TPI1: variants seen among roughly 807,000 people sequenced by gnomAD.
The protein encoded by TPI1 is triosephosphate isomerase.
Under a neutral mutation model 31.0 loss-of-function variants are expected in TPI1, and 11 were observed. The ratio of observed to expected loss-of-function variants is 0.36; its 90% CI spans 0.22 to 0.59. The LOEUF is 0.59. Ranked by LOEUF, TPI1 falls within the 20% of genes least tolerant of loss-of-function variation. TPI1 has a pLI of 0.79. For missense variants in TPI1, 245 were observed against 319.7 expected, an observed-to-expected ratio of 0.77 and a Z score of 1.78; for synonymous variants, 121 against 122.8, an observed-to-expected ratio of 0.99 and a Z score of 0.10.
In TPI1 at chr12:6,869,200, GAAGAT is replaced by G; in HGVS notation, c.324+21_324+25del. 1 of 1,614,196 alleles carries G rather than the reference GAAGAT, an allele frequency of 6.2e-7. No individual in the cohort carries two copies. ...TCAGATGAGGTTAGTAGCCAAGAGA[GAAGAT>G]AAGGGATGTCTTTTTCCAAGAAGGA... On this transcript the variant is annotated intron_variant, in intron 3 of 6. Coordinates refer to ENST00000396705, the MANE Select transcript of TPI1 (RefSeq NM_000365.6).
intron 4 of TPI1, 113 bp from the exon 5 acceptor site, chr12:6,869,575 T>C: frequency 6.9e-7 from 1 of 1,459,228 alleles, no homozygotes; most frequent in Non-Finnish European, 9.6e-7. Context: ...CACCTGGAAA[T>C]CCCCCAATGT....
chr12:6,870,030 G>A lies in TPI1; in HGVS notation c.544-19G>A. On this transcript the variant is annotated intron_variant, in intron 5 of 6. Coordinates refer to ENST00000396705, the MANE Select transcript of TPI1 (RefSeq NM_000365.6). ...AGAGAGGCAGAAAAGGTCTTACTTAGGCCAGCTTCTTGTTCTAGGCCCAGG... is the reference window on the plus strand; with the variant it reads ...AGAGAGGCAGAAAAGGTCTTACTTAAGCCAGCTTCTTGTTCTAGGCCCAGG... The A allele has an allele frequency of 1.9e-6, 3 of 1,614,078 alleles. No homozygotes were observed. The highest frequency in any genetic ancestry group is 2.5e-6 in the Non-Finnish European group (3 of 1,179,930).
At chr12:6,868,464 T>C (rs782462272) in intron 1 of TPI1, 2 of 1,286,568 alleles carry the variant, frequency 1.6e-6, no homozygotes, top group Admixed American at 2.3e-5. Context: ...ACCCCAGGAG[T>C]TGGCCCCTCT....
chr12:6,870,007 A>C (rs1555132463), intron 5 of TPI1, 42 bp from the exon 6 acceptor site: 1 of 1,606,174 alleles, frequency 6.2e-7, no homozygotes, highest in Admixed American at 1.7e-5. Context: ...TTCCTCTTAG[A>C]GAGGCAGAAA....
Position 6,870,878 on chromosome 12 carries a change from T to C in TPI1, c.*495T>C. On this transcript the variant is annotated 3_prime_UTR_variant, in exon 7 of 7. Transcript: ENST00000396705. ...GGACTTGCCCAGATAATCTTCCTTT[T>C]TGAGGCAGCTATATAAATGATCATT... The C allele has an allele frequency of 1.7e-6, 1 of 585,226 alleles. No individual in the cohort carries two copies. The highest frequency in any genetic ancestry group is 3.8e-5 in the East Asian group (1 of 26,308). The allele number at this position is 585,226 out of a possible 1,614,324, so 36.3% of individuals were successfully genotyped here. A position where few individuals can be genotyped will look rare whatever the true frequency, so the allele number is the denominator to read the frequency against.
In TPI1 at chr12:6,869,135, G is replaced by A; in HGVS notation, c.276G>A (p.Val92=). The A allele has an allele frequency of 1.2e-6, 2 of 1,614,192 alleles. No homozygotes were observed. The highest frequency in any genetic ancestry group is 1.3e-5 in the African/African-American group (1 of 75,050). ...GMIKDCGATW[V]VLGHSERRHV... ...TCAAAGACTGCGGAGCCACGTGGGTGGTCCTGGGGCACTCAGAGAGAAGGC... is the reference window on the plus strand; with the variant it reads ...TCAAAGACTGCGGAGCCACGTGGGTAGTCCTGGGGCACTCAGAGAGAAGGC... Residue 92 remains valine (V), a synonymous_variant, in exon 3 of 7, where the codon GTG becomes GTA. Coordinates refer to ENST00000396705, the MANE Select transcript of TPI1 (RefSeq NM_000365.6).
rs370910772 is a variant in TPI1, at chr12:6,870,347, G to A, written c.714G>A (p.Lys238=). ...DGFLVGGASL[K]PEFVDIINAK... Reference sequence around the variant, plus strand: ...TCCTTGTGGGTGGTGCTTCCCTCAAGCCCGAATTCGTGGACATCATCAATG... The same window carrying A: ...TCCTTGTGGGTGGTGCTTCCCTCAAACCCGAATTCGTGGACATCATCAATG... The change falls in exon 7 of 7, where the codon AAG becomes AAA. Residue 238 remains lysine, a synonymous_variant. Transcript: ENST00000396705. The A allele has an allele frequency of 1.2e-4, 197 of 1,613,942 alleles. No homozygotes were observed. The highest frequency in any genetic ancestry group is 1.6e-4 in the Non-Finnish European group (187 of 1,180,022).
At chr12:6,867,752 C>G in intron 1 of TPI1, 71 bp downstream of exon 1, 1 of 1,328,420 alleles carries the variant, frequency 7.5e-7, no homozygotes, top group Non-Finnish European at 1.0e-6. Context: ...AGCGCCCTCT[C>G]CCGAGGCCCC....
intron 4 of TPI1, 99 bp downstream of exon 4, chr12:6,869,489 C>T: frequency 1.9e-6 from 3 of 1,583,772 alleles, no homozygotes; most frequent in Non-Finnish European, 1.7e-6. Context: ...CATGCTGATC[C>T]AGAAAAGGAA....
rs1361660846 is a variant in TPI1, at chr12:6,869,465, C to G, written c.457+75C>G. 2.4e-5 allele frequency: 38 copies of G among 1,604,304 alleles called. No homozygotes were observed. The Admixed American group carries it at 3.3e-4, about 14-fold the overall frequency. The stretch of plus-strand genomic sequence containing the variant: ...CAGAGGGTAGGGTCAGGCCCTGGAG[C>G]CTGTCTTGGTCCCCATGCTGATCCA... On this transcript the variant is annotated intron_variant, in intron 4 of 6. Transcript: ENST00000396705.
chr12:6,868,466 G>A (rs1555131929), intron 1 of TPI1: 4 of 1,287,400 alleles, frequency 3.1e-6, no homozygotes, highest in Non-Finnish European at 4.0e-6. Flanking sequence ...CCCAGGAGTT[G>A]GCCCCTCTCC....
At chr12:6,870,206 T>C (rs1555132548) in intron 6 of TPI1, 59 bp from the exon 7 acceptor site, 12 of 1,596,524 alleles carry the variant, frequency 7.5e-6, no homozygotes, top group Non-Finnish European at 9.4e-6. Context: ...GACATGGAGG[T>C]GGGGATGGGG....
upstream of TPI1, chr12:6,867,482 G>C (rs782157169): frequency 3.2e-6 from 5 of 1,539,198 alleles, no homozygotes; most frequent in Non-Finnish European, 4.4e-6. Flanking sequence ...AGGAGGCGGA[G>C]TTCCACTTCG....
chr12:6,869,284 T>A lies in TPI1; in HGVS notation c.351T>A (p.Ala117=). ...DELIGQKVAH[A]LAEGLGVIAC... The stretch of plus-strand genomic sequence containing the variant: ...TGATTGGGCAGAAAGTGGCCCATGC[T>A]CTGGCAGAGGGACTCGGAGTAATCG... The change falls in exon 4 of 7, where the codon GCT becomes GCA. Residue 117 remains alanine, a synonymous_variant. Transcript: ENST00000396705. 6.2e-7 allele frequency: 1 copy of A among 1,614,052 alleles called. No individual in the cohort carries two copies. The highest frequency in any genetic ancestry group is 8.5e-7 in the Non-Finnish European group (1 of 1,179,932).
In TPI1 at chr12:6,868,532, G is replaced by T. The variant is rs1555131954; in HGVS notation, c.116-332G>T. The T allele has an allele frequency of 8.6e-6, 11 of 1,284,434 alleles. 1 individual carries two copies. In the East Asian group the frequency reaches 5.3e-4, roughly 62 times the overall value. 79.6% of individuals were successfully genotyped at this position (1,284,434 alleles called of 1,614,324 possible). On this transcript the variant is annotated intron_variant, in intron 1 of 6. Coordinates refer to ENST00000396705, the MANE Select transcript of TPI1 (RefSeq NM_000365.6). ...GAGGTGAGGATGGGCTATTTTAGAA[G>T]GGAAGCAGGGTTGCTCCCTGGAGAA...
At chr12:6,868,079 G>A (rs1230618844) in intron 1 of TPI1, 1 of 1,233,488 alleles carries the variant, frequency 8.1e-7, no homozygotes, top group African/African-American at 1.6e-5. Context: ...CCCGCGCCGT[G>A]CGCCGCCGCA....
In TPI1 at chr12:6,870,462, C is replaced by T. The variant is rs782663163; in HGVS notation, c.*79C>T. ...AAGCCCAGTAACTGCCCTTTCCCTGCATATGCTTCTGATGGTGTCATCTGC... is the reference window on the plus strand; with the variant it reads ...AAGCCCAGTAACTGCCCTTTCCCTGTATATGCTTCTGATGGTGTCATCTGC... On this transcript the variant is annotated 3_prime_UTR_variant, in exon 7 of 7. Coordinates refer to ENST00000396705, the MANE Select transcript of TPI1 (RefSeq NM_000365.6). 3.8e-6 allele frequency: 4 copies of T among 1,066,270 alleles called. No homozygotes were observed. Among genetic ancestry groups the T allele is most frequent in the East Asian group, 2.4e-5 (1 of 42,404 alleles). 66.1% of individuals were successfully genotyped at this position (1,066,270 alleles called of 1,614,324 possible). A position where few individuals can be genotyped will look rare whatever the true frequency, so the allele number is the denominator to read the frequency against.
At chr12:6,868,683 G>A in intron 1 of TPI1, 181 bp from the exon 2 acceptor site, 2 of 1,339,060 alleles carry the variant, frequency 1.5e-6, no homozygotes, top group Non-Finnish European at 2.0e-6. Flanking sequence ...TCTTCGAGTT[G>A]AGTGCAGACC....
intron 5 of TPI1, 32 bp downstream of exon 5, chr12:6,869,805 C>T (rs781843757): frequency 1.9e-6 from 3 of 1,609,690 alleles, no homozygotes; most frequent in African/African-American, 1.3e-5. Context: ...GCCCTCATCC[C>T]AGCCTGCCTC....
Sources: allele counts gnomAD v4.1 joint callset, GRCh38; gene constraint gnomAD v4.1.1; transcripts MANE v1.5; gene names NCBI Gene and HGNC (gene_info 2026-07-23, HGNC 2026-07-21).